Variants in ASIC2 observed in about 807,000 individuals in gnomAD.
ASIC2 encodes the protein acid sensing ion channel subunit 2, also known as acid-sensing ion channel 2.
ASIC2 carries 25 observed loss-of-function variants against 57.3 expected under a neutral mutation model. The observed-to-expected ratio is 0.44, with a 90% CI of 0.32 to 0.61. The LOEUF (loss-of-function observed/expected upper bound fraction) is 0.61, where lower values mean the gene tolerates loss of function less well. Ranked by LOEUF, ASIC2 falls within the 20% of genes least tolerant of loss-of-function variation. The probability of loss-of-function intolerance (pLI) is 0.06; values close to 1 mark genes in which losing one functional copy is unlikely to be tolerated. For missense variants in ASIC2, 641 were observed against 738.1 expected (o/e 0.87, Z 1.52); for synonymous variants, 319 against 307.5 (o/e 1.04, Z -0.39).
chr17:33,243,404 G>A (rs1425596615), intron 1 of ASIC2, among the ~76,000 whole-genome samples: 1 of 152,166 alleles, frequency 6.6e-6, no homozygotes, highest in Non-Finnish European at 1.5e-5. Flanking sequence ...GGTGGTCTGT[G>A]GGTGAATGAA....
chr17:33,560,119 G>A lies in ASIC2; in HGVS notation c.556-448052C>T, dbSNP rs562776931. 3.3e-5 allele frequency among the ~76,000 whole-genome samples: 5 copies of A among 152,286 alleles called. No individual in the cohort carries two copies. In the South Asian group the frequency reaches 1.0e-3, roughly 32 times the overall value. ...AGATGAATACAGCTGTCGAGGCAAG[G>A]CAAGGAAAGCTTTCTTGGACCTCGG... is the stretch of plus-strand genomic sequence containing the variant. On this transcript the variant is annotated intron_variant, in intron 1 of 9. Coordinates refer to the ASIC2 transcript ENST00000359872.
chr17:33,654,350 A>T lies in ASIC2; in HGVS notation c.555+501628T>A, dbSNP rs141765171. Among the ~76,000 whole-genome samples, 14 of 152,352 alleles carry T rather than the reference A, an allele frequency of 9.2e-5. No individual in the cohort carries two copies. The East Asian group carries it at 2.7e-3, about 29-fold the overall frequency. ...TTCCTCTTTAACAGAAACTCTGAGCAGCTGTTTCTCCCCTAAGCACATCTG... is the reference window on the plus strand; with the variant it reads ...TTCCTCTTTAACAGAAACTCTGAGCTGCTGTTTCTCCCCTAAGCACATCTG... On this transcript the variant is annotated intron_variant, in intron 1 of 9. Transcript: ENST00000359872.
At chr17:33,031,876 A>G (rs560658689) in intron 3 of ASIC2, among the ~76,000 whole-genome samples, 19 of 152,284 alleles carry the variant, frequency 1.2e-4, no homozygotes, top group African/African-American at 4.6e-4. Context: ...CTTGTTTTGA[A>G]GTTTACTTTG....
intron 1 of ASIC2, among the ~76,000 whole-genome samples, chr17:33,360,446 C>T (rs576160378): frequency 6.6e-6 from 1 of 152,212 alleles, no homozygotes; most frequent in Non-Finnish European, 1.5e-5. Context: ...ACAACGTACA[C>T]AACTTTCTCC....
At chr17:34,011,117 T>C (rs1158104042) in intron 1 of ASIC2, among the ~76,000 whole-genome samples, 6 of 1,028 alleles carry the variant, frequency 5.8e-3, no homozygotes, top group Admixed American at 0.019. Context: ...ACAGATGCCT[T>C]GAGTCAGACA....
At chr17:33,289,058 C>A (rs550560255) in intron 1 of ASIC2, among the ~76,000 whole-genome samples, 12 of 152,136 alleles carry the variant, frequency 7.9e-5, no homozygotes, top group Admixed American at 5.2e-4. Flanking sequence ...AGGGGTGAAG[C>A]CTTTAATTCT....
upstream of ASIC2, among the ~76,000 whole-genome samples, chr17:33,296,267 GT>G (rs943257624): frequency 6.6e-6 from 1 of 152,072 alleles, no homozygotes; most frequent in African/African-American, 2.4e-5. Flanking sequence ...CCACAGAGAG[GT>G]TAAGTTACTC....
intron 1 of ASIC2, chr17:34,002,815 G>T (rs897048777): frequency 1.8e-4 from 28 of 152,236 alleles, no homozygotes; most frequent in African/African-American, 6.3e-4. Flanking sequence ...GATACTGACT[G>T]ATACCTCCAC....
chr17:33,803,267 TG>T (rs1481687610), intron 1 of ASIC2, among the ~76,000 whole-genome samples: 5 of 152,076 alleles, frequency 3.3e-5, no homozygotes, highest in Admixed American at 3.3e-4. Flanking sequence ...CACATAAACA[TG>T]GTTCTTCACT....
chr17:33,529,378 T>C (rs1293135643), intron 1 of ASIC2, among the ~76,000 whole-genome samples: 1 of 152,124 alleles, frequency 6.6e-6, no homozygotes, highest in Non-Finnish European at 1.5e-5. Context: ...CCAAGGATGG[T>C]ACAGAGCGCG....
At chr17:33,772,353 C>T (rs1180433591) in intron 1 of ASIC2, among the ~76,000 whole-genome samples, 1 of 152,156 alleles carries the variant, frequency 6.6e-6, no homozygotes, top group Non-Finnish European at 1.5e-5. Flanking sequence ...CCCTTTTTAG[C>T]CAATCATATT....
At position 34,039,142 on chromosome 17, in the gene ASIC2, T is replaced by C. The variant is rs574925068; in HGVS notation, c.555+116836A>G. On this transcript the variant is annotated intron_variant, in intron 1 of 9. Transcript: ENST00000359872. The stretch of plus-strand genomic sequence containing the variant: ...CTGTTCATCAATCTGCCGTCTCAAA[T>C]CACAGATGGCTCTTAATAAATCATC... The C allele has an allele frequency of 3.7e-6, 6 of 1,614,058 alleles. No individual in the cohort carries two copies. The South Asian group carries it at 4.4e-5, about 12-fold the overall frequency.
chr17:33,213,870 G>A (rs1198561851), intron 1 of ASIC2, among the ~76,000 whole-genome samples: 2 of 152,138 alleles, frequency 1.3e-5, no homozygotes, highest in South Asian at 4.1e-4. Context: ...TCTCTCCCTG[G>A]CCCCTCTGGG....
chr17:34,002,750 T>C (rs370275894), intron 1 of ASIC2: 3 of 152,246 alleles, frequency 2.0e-5, no homozygotes, highest in African/African-American at 7.2e-5. Flanking sequence ...AATAATTCTT[T>C]TGATTGAATT....
At chr17:33,032,480 A>C (rs2091888397) in intron 3 of ASIC2, among the ~76,000 whole-genome samples, 2 of 113,726 alleles carry the variant, frequency 1.8e-5, no homozygotes, top group Non-Finnish European at 1.7e-5. Flanking sequence ...ACAAAGTCTC[A>C]CTCTCTTACC....
chr17:33,939,801 G>A (rs1448448688), intron 1 of ASIC2, among the ~76,000 whole-genome samples: 2 of 152,164 alleles, frequency 1.3e-5, no homozygotes, highest in African/African-American at 2.4e-5. Flanking sequence ...CTCTGAATCT[G>A]GCTCATGGGA....
intron 1 of ASIC2, among the ~76,000 whole-genome samples, chr17:33,558,843 T>C (rs1456994746): frequency 1.3e-5 from 2 of 152,144 alleles, no homozygotes; most frequent in Non-Finnish European, 2.9e-5. Context: ...CTCAGCCTAA[T>C]GCAACCTCTG....
At chr17:33,400,535 C>A (rs1052070412) in intron 1 of ASIC2, among the ~76,000 whole-genome samples, 2 of 152,056 alleles carry the variant, frequency 1.3e-5, no homozygotes, top group Non-Finnish European at 2.9e-5. Flanking sequence ...TTGAAGTATA[C>A]CTGATAATAG....
intron 1 of ASIC2, among the ~76,000 whole-genome samples, chr17:33,375,528 G>A (rs1340439988): frequency 6.6e-6 from 1 of 152,182 alleles, no homozygotes; most frequent in African/African-American, 2.4e-5. Context: ...GAGCAGATAC[G>A]TGCCAGGGTA....
Sources: gnomAD v4.1 joint callset for allele counts (sites outside exome capture counted in the v4.1 genomes callset) on GRCh38, gnomAD v4.1.1 for gene constraint, MANE v1.5 for transcripts, NCBI Gene and HGNC (gene_info 2026-07-23, HGNC 2026-07-21) for gene names.